The following PTCHD4 variants were observed in gnomAD, a reference collection of about 807,000 sequenced individuals.
PTCHD4 encodes patched domain containing 4, also known as patched domain-containing protein 4.
In PTCHD4, 33 loss-of-function variants were observed where a neutral mutation model predicts 58.1. The observed-to-expected ratio is 0.57, with a 90% CI of 0.43 to 0.76. The LOEUF (loss-of-function observed/expected upper bound fraction) is 0.76. PTCHD4 is among the 30% of genes least tolerant of loss of function. PTCHD4 has a pLI of 0.00. For missense variants in PTCHD4, 1,058 were observed against 1,027.1 expected (o/e 1.03, Z -0.41); for synonymous variants, 478 against 409.6 (o/e 1.17, Z -2.02).
chr6:48,085,105 A>G (rs1765238623), intron 1 of PTCHD4, among the ~76,000 whole-genome samples: 1 of 151,896 alleles, frequency 6.6e-6, no homozygotes, highest in Non-Finnish European at 1.5e-5. Flanking sequence ...GTCACCCGAT[A>G]GTTAAGTCTG....
chr6:47,920,627 A>G (rs1765401909), intron 4 of PTCHD4, among the ~76,000 whole-genome samples: 1 of 152,164 alleles, frequency 6.6e-6, no homozygotes, highest in Non-Finnish European at 1.5e-5. Flanking sequence ...GTTTCTCATA[A>G]GCATGACTAT....
intron 4 of PTCHD4, among the ~76,000 whole-genome samples, chr6:47,929,247 T>G (rs1329989294): frequency 3.3e-5 from 5 of 152,208 alleles, no homozygotes; most frequent in African/African-American, 1.2e-4. Flanking sequence ...ATGAAAACGT[T>G]CATTTGAACT....
At chr6:47,958,875 G>A (rs1345429766) in intron 4 of PTCHD4, among the ~76,000 whole-genome samples, 1 of 152,188 alleles carries the variant, frequency 6.6e-6, no homozygotes, top group African/African-American at 2.4e-5. Context: ...TCCATCAGTA[G>A]TCGGGAATGA....
At chr6:47,936,700 C>A (rs1766011016) in intron 4 of PTCHD4, among the ~76,000 whole-genome samples, 1 of 152,148 alleles carries the variant, frequency 6.6e-6, no homozygotes, top group Admixed American at 6.5e-5. Flanking sequence ...AGGCATTGTT[C>A]TAAACAGTTG....
chr6:47,968,034 A>C (rs79597822), intron 4 of PTCHD4, among the ~76,000 whole-genome samples: 23,454 of 152,144 alleles, frequency 0.15, 1,997 homozygotes, highest in South Asian at 0.26. Flanking sequence ...GCGCAAGATG[A>C]CTAGCTTTTG....
At chr6:48,098,559 G>C (rs965169420) in intron 1 of PTCHD4, among the ~76,000 whole-genome samples, 7 of 152,042 alleles carry the variant, frequency 4.6e-5, no homozygotes, top group African/African-American at 1.7e-4. Context: ...GGATGGCCTC[G>C]AACTCCTGAC....
chr6:47,904,952 C>A (rs536003067), intron 4 of PTCHD4, among the ~76,000 whole-genome samples: 9 of 151,116 alleles, frequency 6.0e-5, no homozygotes, highest in Non-Finnish European at 1.3e-4. Context: ...GTGGTGAAAA[C>A]ATGGGGAAGA....
At chr6:47,896,900 A>T (rs949521450) in intron 4 of PTCHD4, among the ~76,000 whole-genome samples, 1 of 152,136 alleles carries the variant, frequency 6.6e-6, no homozygotes, top group African/African-American at 2.4e-5. Context: ...TCAGACTCTT[A>T]CTCCAGTGTA....
chr6:48,110,731 TA>T (rs2113923343), intron 1 of PTCHD4, among the ~76,000 whole-genome samples: 1 of 149,242 alleles, frequency 6.7e-6, no homozygotes, highest in African/African-American at 2.4e-5. Context: ...TGTTTGTTCT[TA>T]AAGTAACATT....
chr6:47,970,339 C>A (rs1313429991), intron 4 of PTCHD4, among the ~76,000 whole-genome samples: 1 of 152,070 alleles, frequency 6.6e-6, no homozygotes, highest in Non-Finnish European at 1.5e-5. Flanking sequence ...AAATAGAAAG[C>A]AGGTGGGAGA....
chr6:47,890,063 T>G (rs1273936303), intron 4 of PTCHD4, among the ~76,000 whole-genome samples: 1 of 136,582 alleles, frequency 7.3e-6, no homozygotes, highest in Non-Finnish European at 1.6e-5. Context: ...GTGTGTGTGT[T>G]TGTGCATATA....
At chr6:48,044,657 G>A (rs1003557470) in intron 3 of PTCHD4, among the ~76,000 whole-genome samples, 3 of 151,822 alleles carry the variant, frequency 2.0e-5, no homozygotes, top group African/African-American at 7.2e-5. Context: ...TGCTTATGCA[G>A]TTTACTGACA....
At chr6:47,912,003 A>T (rs1437858394) in intron 4 of PTCHD4, among the ~76,000 whole-genome samples, 1 of 152,124 alleles carries the variant, frequency 6.6e-6, no homozygotes, top group African/African-American at 2.4e-5. Context: ...GAATGTGGCA[A>T]CAAGGAGTCA....
At chr6:47,886,175 T>G (rs1378942288) in intron 4 of PTCHD4, among the ~76,000 whole-genome samples, 1 of 151,980 alleles carries the variant, frequency 6.6e-6, no homozygotes, top group African/African-American at 2.4e-5. Context: ...ATATCATTTT[T>G]ACAGTTGCCA....
At chr6:48,036,674 CA>C (rs1763647312) in intron 3 of PTCHD4, among the ~76,000 whole-genome samples, 1 of 152,058 alleles carries the variant, frequency 6.6e-6, no homozygotes, top group Non-Finnish European at 1.5e-5. Context: ...GGGATGCTGG[CA>C]ACTCCAATAT....
At chr6:47,960,820 T>A (rs568475155) in intron 4 of PTCHD4, among the ~76,000 whole-genome samples, 1 of 152,090 alleles carries the variant, frequency 6.6e-6, no homozygotes, top group South Asian at 2.1e-4. Context: ...TGCAAAGAGA[T>A]AAATACAAAT....
intron 4 of PTCHD4, among the ~76,000 whole-genome samples, chr6:47,962,692 A>G (rs910568252): frequency 2.6e-5 from 4 of 152,152 alleles, no homozygotes; most frequent in Admixed American, 2.6e-4. Context: ...AGCCATGCTG[A>G]ACTGTGAGTC....
chr6:47,965,283 T>C (rs2113976397), intron 4 of PTCHD4, among the ~76,000 whole-genome samples: 1 of 152,366 alleles, frequency 6.6e-6, no homozygotes, highest in East Asian at 1.9e-4. Context: ...TAAAGATAGA[T>C]AAGTTTTCAT....
chr6:48,109,679 A>T (rs1184194660), intron 1 of PTCHD4, among the ~76,000 whole-genome samples: 2 of 152,132 alleles, frequency 1.3e-5, no homozygotes, highest in East Asian at 3.8e-4. Flanking sequence ...AATATCCAAA[A>T]TCTATAAGAA....
Sources: allele counts gnomAD v4.1 joint callset (sites outside exome capture counted in the v4.1 genomes callset), GRCh38; gene constraint gnomAD v4.1.1; transcripts MANE v1.5; gene names NCBI Gene and HGNC (gene_info 2026-07-23, HGNC 2026-07-21).